SYT1: variants seen among roughly 807,000 people sequenced by gnomAD.
SYT1 encodes synaptotagmin-1.
Under a neutral mutation model 44.8 loss-of-function variants are expected in SYT1, and 8 were observed. The observed-to-expected ratio is 0.18, with a 90% CI of 0.10 to 0.32. The LOEUF is 0.32. Among genes scored for constraint, SYT1 ranks in the 10% least tolerant of loss-of-function variants. The pLI is 1.00. For missense variants in SYT1, 286 were observed against 509.3 expected (o/e 0.56, Z 4.22); for synonymous variants, 154 against 188.8 (o/e 0.82, Z 1.51).
chr12:78,868,663 A>G (rs2137030962), intron 1 of SYT1: 1 of 151,996 alleles, frequency 6.6e-6, no homozygotes, highest in African/African-American at 2.4e-5. Context: ...CATGGACAGT[A>G]GACTATAATT....
chr12:79,150,063 A>C (rs1345290092), intron 3 of SYT1, among the ~76,000 whole-genome samples: 2 of 152,186 alleles, frequency 1.3e-5, no homozygotes, highest in Non-Finnish European at 2.9e-5. Flanking sequence ...GATGGGGTCC[A>C]GTGAGATGTT....
chr12:79,138,295 T>C (rs751300772), intron 3 of SYT1, among the ~76,000 whole-genome samples: 33 of 152,238 alleles, frequency 2.2e-4, no homozygotes, highest in African/African-American at 7.5e-4. Context: ...AAATCATGTA[T>C]GATTTTTAAA....
intron 4 of SYT1, among the ~76,000 whole-genome samples, chr12:79,274,128 G>A (rs1440335001): frequency 3.9e-5 from 6 of 152,152 alleles, no homozygotes; most frequent in African/African-American, 9.7e-5. Context: ...AATGAGATTC[G>A]TGATCTAATC....
intron 3 of SYT1, among the ~76,000 whole-genome samples, chr12:79,055,754 A>G (rs556933784): frequency 6.6e-6 from 1 of 152,174 alleles, no homozygotes; most frequent in South Asian, 2.1e-4. Flanking sequence ...ATAGTAACAT[A>G]AGTAAAAATT....
intron 10 of SYT1, among the ~76,000 whole-genome samples, chr12:79,445,077 A>G (rs1201194100): frequency 7.2e-5 from 11 of 152,160 alleles, no homozygotes; most frequent in African/African-American, 2.7e-4. Context: ...AAGTTTGCCC[A>G]TAACTTGAAG....
chr12:78,875,485 GTAAC>G (rs1170292081), intron 1 of SYT1, among the ~76,000 whole-genome samples: 1 of 151,622 alleles, frequency 6.6e-6, no homozygotes, highest in Admixed American at 6.6e-5. Flanking sequence ...AGCCAGCCCT[GTAAC>G]TATCAGGGGA....
chr12:79,175,027 A>T (rs1001600941), intron 3 of SYT1, among the ~76,000 whole-genome samples: 41 of 152,046 alleles, frequency 2.7e-4, no homozygotes, highest in Admixed American at 1.2e-3. Context: ...ATATCTTCAA[A>T]AATGGCATAG....
intron 4 of SYT1, among the ~76,000 whole-genome samples, chr12:79,218,419 A>G (rs1321259095): frequency 6.6e-6 from 1 of 152,196 alleles, no homozygotes; most frequent in Non-Finnish European, 1.5e-5. Context: ...CAATGTATCA[A>G]AATATCATGT....
intron 4 of SYT1, among the ~76,000 whole-genome samples, chr12:79,254,497 T>C (rs1040752189): frequency 6.6e-6 from 1 of 152,254 alleles, no homozygotes; most frequent in African/African-American, 2.4e-5. Context: ...AGATTGATGT[T>C]GTTTTCATGC....
intron 3 of SYT1, among the ~76,000 whole-genome samples, chr12:79,192,645 G>A (rs943670503): frequency 2.6e-5 from 4 of 152,136 alleles, no homozygotes; most frequent in Non-Finnish European, 5.9e-5. Context: ...CTATAGCTAA[G>A]CTGAATGACC....
At chr12:79,172,914 A>G (rs1871616198) in intron 3 of SYT1, among the ~76,000 whole-genome samples, 2 of 138,258 alleles carry the variant, frequency 1.4e-5, no homozygotes, top group Non-Finnish European at 3.1e-5. Context: ...TCAATTCCAT[A>G]AGTTTGTGTC....
intron 3 of SYT1, among the ~76,000 whole-genome samples, chr12:79,135,057 A>G (rs1177754043): frequency 6.6e-6 from 1 of 152,106 alleles, no homozygotes; most frequent in Non-Finnish European, 1.5e-5. Context: ...TTATTTCACT[A>G]TATATGTGTA....
At chr12:79,242,437 C>A (rs570838772) in intron 4 of SYT1, among the ~76,000 whole-genome samples, 1 of 152,182 alleles carries the variant, frequency 6.6e-6, no homozygotes. Context: ...AGAGGCCCCT[C>A]CCCTGTGGGC....
At chr12:79,178,136 G>T (rs1031517999) in intron 3 of SYT1, among the ~76,000 whole-genome samples, 2 of 151,998 alleles carry the variant, frequency 1.3e-5, no homozygotes, top group Non-Finnish European at 2.9e-5. Flanking sequence ...CTCTTCCCAG[G>T]ATACCTTCTA....
chr12:79,314,789 A>T (rs1881001760), intron 8 of SYT1, among the ~76,000 whole-genome samples: 1 of 152,204 alleles, frequency 6.6e-6, no homozygotes, highest in Non-Finnish European at 1.5e-5. Flanking sequence ...CATTTTTCAT[A>T]ACAGCCAAAA....
intron 4 of SYT1, among the ~76,000 whole-genome samples, chr12:79,241,372 G>T (rs919634732): frequency 6.6e-6 from 1 of 151,950 alleles, no homozygotes; most frequent in African/African-American, 2.4e-5. Flanking sequence ...CCGGATTCAC[G>T]TGATTCTCCT....
Position 79,104,921 on chromosome 12 carries a change from AG to A in SYT1, c.-18+57560del, listed in dbSNP as rs1266130674. Among the ~76,000 whole-genome samples the A allele has an allele frequency of 7.2e-5, 11 of 152,262 alleles. No individual in the cohort carries two copies. The East Asian group carries it at 1.7e-3, about 24-fold the overall frequency. ...TTCAGAAAAAGGAAATAGATTTATT[AG>A]AGATTCCGAGATTGAAACAATATTG... On this transcript the variant is annotated intron_variant, in intron 3 of 10. Coordinates refer to ENST00000261205, the MANE Select transcript of SYT1 (RefSeq NM_005639.3).
chr12:79,322,280 G>A (rs906571466), intron 8 of SYT1, among the ~76,000 whole-genome samples: 1 of 152,044 alleles, frequency 6.6e-6, no homozygotes, highest in Non-Finnish European at 1.5e-5. Flanking sequence ...TTCTGAGACT[G>A]TGAAAATTGA....
At chr12:78,878,930 A>G in intron 1 of SYT1, among the ~76,000 whole-genome samples, 1 of 151,812 alleles carries the variant, frequency 6.6e-6, no homozygotes, top group East Asian at 1.9e-4. Flanking sequence ...AAGTTTAAGG[A>G]TTCATTGCAG....
Sources: gnomAD v4.1 joint callset for allele counts (sites outside exome capture counted in the v4.1 genomes callset) on GRCh38, gnomAD v4.1.1 for gene constraint, MANE v1.5 for transcripts, NCBI Gene and HGNC (gene_info 2026-07-23, HGNC 2026-07-21) for gene names.